LARGE1: variants seen among roughly 807,000 people sequenced by gnomAD.
The protein encoded by LARGE1 is xylosyl- and glucuronyltransferase LARGE1.
In LARGE1, 43 loss-of-function variants were observed where a neutral mutation model predicts 87.6. The ratio of observed to expected loss-of-function variants is 0.49; its 90% confidence interval spans 0.38 to 0.63. The LOEUF (loss-of-function observed/expected upper bound fraction) is 0.63. Among genes scored for constraint, LARGE1 ranks in the 30% least tolerant of loss-of-function variants. The pLI is 0.00. For missense variants in LARGE1, 802 were observed against 1,000.2 expected, an observed-to-expected ratio of 0.80 and a Z score of 2.67; for synonymous variants, 434 against 394.6, an observed-to-expected ratio of 1.10 and a Z score of -1.18.
intron 11 of LARGE1, among the ~76,000 whole-genome samples, chr22:33,259,515 G>GAC (rs143499509): frequency 3.3e-5 from 5 of 150,798 alleles, no homozygotes; most frequent in East Asian, 2.0e-4. Flanking sequence ...TGTGTGCATG[G>GAC]ACACACACAC....
chr22:33,696,482 C>A (rs542242084), intron 2 of LARGE1, among the ~76,000 whole-genome samples: 12 of 152,094 alleles, frequency 7.9e-5, no homozygotes, highest in African/African-American at 2.9e-4. Context: ...TGGCTGGTCT[C>A]GAGCTCCTGA....
intron 10 of LARGE1, among the ~76,000 whole-genome samples, chr22:33,332,485 C>T (rs916569791): frequency 2.6e-5 from 4 of 152,166 alleles, no homozygotes; most frequent in Admixed American, 1.3e-4. Flanking sequence ...TGGACTAATA[C>T]AGTGGATGAA....
At chr22:33,181,567 T>C (rs1923163581) in intron 11 of LARGE1, among the ~76,000 whole-genome samples, 1 of 151,800 alleles carries the variant, frequency 6.6e-6, no homozygotes, top group Non-Finnish European at 1.5e-5. Flanking sequence ...TCTCGCTCTG[T>C]CACCAGGCTG....
At chr22:33,073,299 T>C in the LARGE1 span, among the ~76,000 whole-genome samples, 1 of 152,228 alleles carries the variant, frequency 6.6e-6, no homozygotes, top group Non-Finnish European at 1.5e-5. Flanking sequence ...AATCCATCTC[T>C]GTAGAGTGGG....
At chr22:33,843,023 A>T (rs1412136549) in intron 1 of LARGE1, among the ~76,000 whole-genome samples, 5 of 152,104 alleles carry the variant, frequency 3.3e-5, no homozygotes, top group Non-Finnish European at 7.4e-5. Context: ...GGTCCTGTCT[A>T]TGTTGTTCAC....
At chr22:33,208,977 G>C (rs1204750351) in intron 11 of LARGE1, among the ~76,000 whole-genome samples, 1 of 152,176 alleles carries the variant, frequency 6.6e-6, no homozygotes, top group Non-Finnish European at 1.5e-5. Flanking sequence ...ATCATTGATG[G>C]GCATTTGGGT....
intron 10 of LARGE1, among the ~76,000 whole-genome samples, chr22:33,321,768 G>A (rs1936736366): frequency 6.6e-6 from 1 of 152,128 alleles, no homozygotes; most frequent in Non-Finnish European, 1.5e-5. Flanking sequence ...ATTAGTGAGT[G>A]GAGAATGAGA....
chr22:33,532,484 A>G (rs1230317419), intron 6 of LARGE1, among the ~76,000 whole-genome samples: 1 of 152,226 alleles, frequency 6.6e-6, no homozygotes, highest in African/African-American at 2.4e-5. Context: ...ACACTAATCC[A>G]TATATTTCAC....
At chr22:33,623,903 G>A (rs1420274761) in intron 4 of LARGE1, among the ~76,000 whole-genome samples, 6 of 151,890 alleles carry the variant, frequency 4.0e-5, no homozygotes, top group Non-Finnish European at 5.9e-5. Context: ...GGTGGCAGGC[G>A]CCTGTAATCC....
intron 2 of LARGE1, among the ~76,000 whole-genome samples, chr22:33,689,167 C>A (rs1378575131): frequency 7.7e-6 from 1 of 129,284 alleles, no homozygotes; most frequent in East Asian, 2.1e-4. Context: ...CTCTCTCTCT[C>A]CCCCCTCCTG....
At chr22:33,261,735 G>A (rs1265183789) in intron 11 of LARGE1, among the ~76,000 whole-genome samples, 3 of 152,142 alleles carry the variant, frequency 2.0e-5, no homozygotes, top group Admixed American at 1.3e-4. Flanking sequence ...AGAATCAGAA[G>A]ACAATGACTG....
At chr22:33,134,418 C>G in the LARGE1 span, among the ~76,000 whole-genome samples, 4 of 152,110 alleles carry the variant, frequency 2.6e-5, no homozygotes, top group Non-Finnish European at 5.9e-5. Flanking sequence ...GCCACCACGC[C>G]TGGCTAATTT....
chr22:33,204,503 C>T (rs773364445), intron 11 of LARGE1, among the ~76,000 whole-genome samples: 1 of 152,090 alleles, frequency 6.6e-6, no homozygotes, highest in African/African-American at 2.4e-5. Flanking sequence ...TCCTATAAAC[C>T]TCCACTCTCC....
At chr22:33,440,963 C>T (rs1362421875) in intron 6 of LARGE1, among the ~76,000 whole-genome samples, 1 of 151,800 alleles carries the variant, frequency 6.6e-6, no homozygotes, top group Admixed American at 6.6e-5. Context: ...TAGAAACACG[C>T]AGTCAATGGA....
chr22:33,784,990 T>C (rs548092955), intron 1 of LARGE1, among the ~76,000 whole-genome samples: 5 of 150,262 alleles, frequency 3.3e-5, no homozygotes, highest in Admixed American at 2.0e-4. Context: ...TACATATGTG[T>C]ACGTGTATAT....
chr22:33,417,708 G>GA (rs1177540039), intron 7 of LARGE1, among the ~76,000 whole-genome samples: 1 of 152,188 alleles, frequency 6.6e-6, no homozygotes, highest in African/African-American at 2.4e-5. Flanking sequence ...CTCTCGGGGA[G>GA]AAACCACTTC....
intron 2 of LARGE1, among the ~76,000 whole-genome samples, chr22:33,690,670 GA>G (rs10711509): frequency 0.89 from 125,496 of 140,926 alleles, 55,889 homozygotes; most frequent in Middle Eastern, 0.97. Flanking sequence ...CAGAGAAGAG[GA>G]AAAAAAAAAA....
At chr22:33,433,607 C>CAAAAAAAAAAAAAAAAAAAAAA (rs57605083) in intron 6 of LARGE1, among the ~76,000 whole-genome samples, 5 of 88,260 alleles carry the variant, frequency 5.7e-5, no homozygotes, top group Admixed American at 1.4e-4. Flanking sequence ...AAAAACAAAA[C>CAAAAAAAAAAAAAAAAAAAAAA]AAAAAAAAAA....
chr22:33,696,259 CTT>C (rs1569380095), intron 2 of LARGE1, among the ~76,000 whole-genome samples: 1 of 121,698 alleles, frequency 8.2e-6, no homozygotes, highest in African/African-American at 3.2e-5. Flanking sequence ...TTCTTTCTTT[CTT>C]TCTTTTTTTT....
Sources: allele counts gnomAD v4.1 joint callset (sites outside exome capture counted in the v4.1 genomes callset), GRCh38; gene constraint gnomAD v4.1.1; transcripts MANE v1.5; gene names NCBI Gene and HGNC (gene_info 2026-07-23, HGNC 2026-07-21).